The following CLEC18A variants were observed in gnomAD, a reference collection of about 807,000 sequenced individuals.
CLEC18A encodes mannose receptor-like 1.
CLEC18A carries 5 observed loss-of-function variants against 24.0 expected under a neutral mutation model. The ratio of observed to expected loss-of-function variants is 0.21; its 90% confidence interval spans 0.11 to 0.44. CLEC18A has a LOEUF of 0.44. CLEC18A is among the 20% of genes least tolerant of loss of function. The pLI is 0.99. For synonymous variants in CLEC18A, 29 were observed against 100.1 expected (o/e 0.29, Z 4.24); for missense variants, 83 against 233.4 (o/e 0.36, Z 4.20).
At chr16:69,964,902 A>T (rs1304275824), downstream of CLEC18A, among the ~76,000 whole-genome samples, 1 of 151,936 alleles carries the variant, frequency 6.6e-6, no homozygotes, top group Non-Finnish European at 1.5e-5. Flanking sequence ...CCCAGGCTCA[A>T]GCGATCCTCC....
At chr16:69,958,700 C>A (rs2059060892) in intron 3 of CLEC18A, among the ~76,000 whole-genome samples, 1 of 89,894 alleles carries the variant, frequency 1.1e-5, no homozygotes, top group Non-Finnish European at 2.0e-5. Flanking sequence ...CCATTGCACT[C>A]CAGCCTGGGC....
upstream of CLEC18A, among the ~76,000 whole-genome samples, chr16:69,945,795 T>C (rs2152007816): frequency 6.6e-6 from 1 of 152,350 alleles, no homozygotes; most frequent in African/African-American, 2.4e-5. Flanking sequence ...CTGTCTCTAC[T>C]AAAAATACAA....
At chr16:69,950,151 C>G (rs2058930369), upstream of CLEC18A, among the ~76,000 whole-genome samples, 1 of 123,740 alleles carries the variant, frequency 8.1e-6, no homozygotes, top group Non-Finnish European at 1.9e-5. Context: ...GGCCTCATCC[C>G]CATCCCTGGC....
At chr16:69,956,299 C>T (rs1376777533) in intron 3 of CLEC18A, among the ~76,000 whole-genome samples, 12 of 136,940 alleles carry the variant, frequency 8.8e-5, no homozygotes, top group African/African-American at 2.4e-4. Flanking sequence ...AAAGTGCTTA[C>T]GCCAACTGTG....
intron 2 of CLEC18A, among the ~76,000 whole-genome samples, chr16:69,954,013 C>T (rs1423948049): frequency 7.1e-6 from 1 of 141,816 alleles, no homozygotes; most frequent in Admixed American, 7.2e-5. Flanking sequence ...AACACAGAAC[C>T]AGTCTGCAAC....
chr16:69,944,853 G>T, the CLEC18A span, among the ~76,000 whole-genome samples: 4 of 114,622 alleles, frequency 3.5e-5, 1 homozygote, highest in African/African-American at 1.6e-4. Flanking sequence ...AGAAAAAAAA[G>T]AATAGGGCCG....
At chr16:69,955,554 C>T (rs4985469) in intron 3 of CLEC18A, among the ~76,000 whole-genome samples, 2,934 of 108,686 alleles carry the variant, frequency 0.027, 2 homozygotes, top group Middle Eastern at 0.049. Flanking sequence ...TTTCACCATG[C>T]TGGCCAGGCT....
chr16:69,946,467 G>A (rs1245500607), upstream of CLEC18A, among the ~76,000 whole-genome samples: 3 of 134,718 alleles, frequency 2.2e-5, no homozygotes, highest in Non-Finnish European at 3.1e-5. Flanking sequence ...GCGCAATCTC[G>A]GCTCACTGTA....
downstream of CLEC18A, among the ~76,000 whole-genome samples, chr16:69,965,138 C>T (rs1410806709): frequency 2.0e-5 from 3 of 151,706 alleles, no homozygotes; most frequent in Non-Finnish European, 4.4e-5. Flanking sequence ...ATGGCTTCGC[C>T]TGTCTAACCG....
chr16:69,963,278 C>A (rs1224045581), intron 11 of CLEC18A, among the ~76,000 whole-genome samples: 1 of 151,930 alleles, frequency 6.6e-6, no homozygotes, highest in Non-Finnish European at 1.5e-5. Context: ...CAAGGCCACG[C>A]AGGAAGGACT....
chr16:69,946,080 G>A (rs1221333333), upstream of CLEC18A, among the ~76,000 whole-genome samples: 10 of 83,498 alleles, frequency 1.2e-4, no homozygotes, highest in Non-Finnish European at 1.8e-4. Context: ...GTGACAGAGT[G>A]AGACTCTGTC....
downstream of CLEC18A, among the ~76,000 whole-genome samples, chr16:69,965,210 T>G (rs533220706): frequency 4.6e-3 from 693 of 151,932 alleles, 3 homozygotes; most frequent in African/African-American, 0.016. Context: ...ATCACACAGA[T>G]GCCCCCAGCT....
downstream of CLEC18A, among the ~76,000 whole-genome samples, chr16:69,966,404 C>T (rs181452120): frequency 4.7e-3 from 611 of 129,752 alleles, 32 homozygotes; most frequent in East Asian, 0.07. Flanking sequence ...GATGAGAGGC[C>T]GGCACAAGCA....
At chr16:69,965,568 C>A (rs927513690), downstream of CLEC18A, among the ~76,000 whole-genome samples, 4 of 150,168 alleles carry the variant, frequency 2.7e-5, no homozygotes, top group Admixed American at 2.6e-4. Context: ...TGGTTGGGGA[C>A]CTGACGCGCC....
At position 69,962,917 on chromosome 16, in the gene CLEC18A, G is replaced by A. The variant is rs2059075445; in HGVS notation, c.1212-59G>A. 4 of 1,374,460 alleles carry A rather than the reference G, an allele frequency of 2.9e-6. 1 individual carries two copies. 85.1% of individuals were successfully genotyped at this position (1,374,460 alleles called of 1,614,324 possible). A position where few individuals can be genotyped will look rare whatever the true frequency, so the allele number is the denominator to read the frequency against. On this transcript the variant is annotated intron_variant, in intron 10 of 11. Transcript: ENST00000288040. Reference sequence around the variant, plus strand: ...AGGGTCCTGATGGGTGGAGGGCTTAGGCCTCTCCCGGTCCCTGACTTCACT... The same window carrying A: ...AGGGTCCTGATGGGTGGAGGGCTTAAGCCTCTCCCGGTCCCTGACTTCACT...
chr16:69,946,782 T>C (rs1346839725), upstream of CLEC18A, among the ~76,000 whole-genome samples: 2 of 118,506 alleles, frequency 1.7e-5, no homozygotes, highest in Admixed American at 8.9e-5. Flanking sequence ...TTTTGGTATG[T>C]TAATTTTGTA....
chr16:69,946,442 G>A (rs1241221256), upstream of CLEC18A, among the ~76,000 whole-genome samples: 3 of 129,566 alleles, frequency 2.3e-5, no homozygotes, highest in Non-Finnish European at 4.8e-5. Flanking sequence ...CTGTCGCCTA[G>A]TCTGGAGTGC....
downstream of CLEC18A, among the ~76,000 whole-genome samples, chr16:69,965,498 G>T (rs1380579107): frequency 1.3e-5 from 2 of 151,460 alleles, no homozygotes; most frequent in Admixed American, 6.6e-5. Flanking sequence ...AGGCCGGGGG[G>T]CGGTGGGGAC....
At chr16:69,943,848 C>A in the CLEC18A span, among the ~76,000 whole-genome samples, 2 of 143,744 alleles carry the variant, frequency 1.4e-5, no homozygotes, top group Admixed American at 1.5e-4. Context: ...GCTGGTCCCA[C>A]TCCGCAGCTG....
Sources: allele counts gnomAD v4.1 joint callset (sites outside exome capture counted in the v4.1 genomes callset), GRCh38; gene constraint gnomAD v4.1.1; transcripts MANE v1.5; gene names NCBI Gene and HGNC (gene_info 2026-07-23, HGNC 2026-07-21).